The following PTPRN2 variants were observed in gnomAD, a reference collection of about 807,000 sequenced individuals.
PTPRN2 encodes the protein receptor-type tyrosine-protein phosphatase N2.
A neutral mutation model predicts 118.8 loss-of-function variants in PTPRN2; 74 were observed. The ratio of observed to expected loss-of-function variants is 0.62; its 90% CI spans 0.52 to 0.76. The LOEUF (loss-of-function observed/expected upper bound fraction) is 0.76. Ranked by LOEUF, PTPRN2 falls within the 30% of genes least tolerant of loss-of-function variation. The probability of loss-of-function intolerance (pLI) is 0.00; values close to 1 mark genes in which losing one functional copy is unlikely to be tolerated. For synonymous variants in PTPRN2, 641 were observed against 608.0 expected, an observed-to-expected ratio of 1.05 and a Z score of -0.80; for missense variants, 1,481 against 1,394.4, an observed-to-expected ratio of 1.06 and a Z score of -0.99.
intron 2 of PTPRN2, among the ~76,000 whole-genome samples, chr7:158,389,853 G>A (rs1345817703): frequency 6.6e-6 from 1 of 152,240 alleles, no homozygotes; most frequent in Non-Finnish European, 1.5e-5. Context: ...AAAGAGGTGA[G>A]AGCCTCAGCA....
chr7:157,881,348 A>T lies in PTPRN2; in HGVS notation c.1788+17325T>A, dbSNP rs201721885. Among the ~76,000 whole-genome samples, 1 of 141,288 alleles carries T rather than the reference A, an allele frequency of 7.1e-6. No individual in the cohort carries two copies. Among genetic ancestry groups the T allele is most frequent in the South Asian group, 2.3e-4 (1 of 4,438 alleles). 92.7% of individuals were successfully genotyped at this position (141,288 alleles called of 152,430 possible). ...TGTGACTGGCATCCTTGTAGGAAGG[A>T]GATGCAGACACAGGTGCACACAGAG... On this transcript the variant is annotated intron_variant, in intron 12 of 22. Coordinates refer to ENST00000389418, the MANE Select transcript of PTPRN2 (RefSeq NM_002847.5). The surrounding 1 kb of genome is among the most constrained non-coding windows in gnomAD (Gnocchi z 4.7).
At chr7:157,662,069 C>T (rs536928158) in intron 13 of PTPRN2, among the ~76,000 whole-genome samples, 32 of 152,326 alleles carry the variant, frequency 2.1e-4, no homozygotes, top group African/African-American at 6.5e-4. Context: ...CTCATTCACT[C>T]ATAGCACCTG....
intron 2 of PTPRN2, among the ~76,000 whole-genome samples, chr7:158,376,372 TCA>T (rs1339240298): frequency 6.9e-6 from 1 of 144,972 alleles, no homozygotes; most frequent in East Asian, 2.1e-4. Context: ...CACAGTCCTG[TCA>T]CACGTCCTGC....
chr7:158,046,452 T>A (rs1486860626), intron 11 of PTPRN2, among the ~76,000 whole-genome samples: 1 of 152,048 alleles, frequency 6.6e-6, no homozygotes, highest in East Asian at 1.9e-4. Flanking sequence ...GACGCTGCGA[T>A]CCTGGCATCC....
intron 11 of PTPRN2, among the ~76,000 whole-genome samples, chr7:157,900,939 A>G (rs1296695575): frequency 1.3e-5 from 2 of 152,236 alleles, no homozygotes; most frequent in East Asian, 3.9e-4. Flanking sequence ...AGGAACACCC[A>G]AAGCTGGGCA....
rs1282587961 is a variant in PTPRN2 at position 157,690,564 on chromosome 7, C to G, written c.1789-7627G>C. 6.6e-6 allele frequency among the ~76,000 whole-genome samples: 1 copy of G among 151,714 alleles called. No individual in the cohort carries two copies. Among genetic ancestry groups the G allele is most frequent in the Non-Finnish European group, 1.5e-5 (1 of 67,892 alleles). ...CACCCCTGGTTACCTGCAGCTGGGC[C>G]GGCGCCCAGCGCCCGCGCGGGAGGA... On this transcript the variant is annotated intron_variant, in intron 12 of 22. Transcript: ENST00000389418. This position sits in a 1 kb window ranked among gnomAD's most constrained non-coding sequence, Gnocchi z 7.1.
intron 3 of PTPRN2, among the ~76,000 whole-genome samples, chr7:158,278,714 G>C (rs148489639): frequency 6.6e-6 from 1 of 152,202 alleles, no homozygotes; most frequent in Non-Finnish European, 1.5e-5. Context: ...TGTTCCTTCA[G>C]GTGTGTCCAG....
At chr7:158,484,342 G>GGACTTATT (rs1357161906) in intron 2 of PTPRN2, among the ~76,000 whole-genome samples, 1 of 151,986 alleles carries the variant, frequency 6.6e-6, no homozygotes, top group Non-Finnish European at 1.5e-5. Flanking sequence ...TACCTCTCCT[G>GGACTTATT]GACTTATTTA....
At chr7:158,345,673 A>G (rs188834334) in intron 2 of PTPRN2, among the ~76,000 whole-genome samples, 111 of 152,326 alleles carry the variant, frequency 7.3e-4, no homozygotes, top group African/African-American at 2.3e-3. Flanking sequence ...GGTCACACAC[A>G]TTTTATAATT....
At chr7:158,137,469 C>A (rs1263136383) in intron 7 of PTPRN2, among the ~76,000 whole-genome samples, 3 of 152,048 alleles carry the variant, frequency 2.0e-5, no homozygotes, top group Non-Finnish European at 4.4e-5. Context: ...CTTTCAGTGC[C>A]CAAAGGTGCG....
At chr7:158,575,191 T>A (rs1828257494) in intron 1 of PTPRN2, among the ~76,000 whole-genome samples, 1 of 152,264 alleles carries the variant, frequency 6.6e-6, no homozygotes, top group Admixed American at 6.5e-5. Context: ...TCAAACATGT[T>A]ATCTTATGTG....
At chr7:157,722,770 C>A (rs1043317176) in intron 12 of PTPRN2, among the ~76,000 whole-genome samples, 10 of 151,884 alleles carry the variant, frequency 6.6e-5, no homozygotes, top group Admixed American at 5.2e-4. Context: ...GCAGCAGGGG[C>A]CCAGTCTGTC....
intron 1 of PTPRN2, among the ~76,000 whole-genome samples, chr7:158,520,449 C>T (rs967435470): frequency 3.9e-5 from 6 of 152,304 alleles, no homozygotes; most frequent in African/African-American, 7.2e-5. Context: ...TCATGCCCTT[C>T]GGTAGACAGT....
intron 3 of PTPRN2, among the ~76,000 whole-genome samples, chr7:158,275,110 G>A (rs118174386): frequency 0.043 from 6,478 of 152,210 alleles, 205 homozygotes; most frequent in Middle Eastern, 0.075. Context: ...CCCAGGGGCC[G>A]GCAGCAGTGC....
At chr7:157,713,976 C>T (rs1298259350) in intron 12 of PTPRN2, among the ~76,000 whole-genome samples, 3 of 152,218 alleles carry the variant, frequency 2.0e-5, no homozygotes, top group African/African-American at 7.2e-5. Flanking sequence ...GCATTATCTG[C>T]TCCAAGCTTT....
At chr7:158,293,711 C>CT (rs1032835059) in intron 3 of PTPRN2, among the ~76,000 whole-genome samples, 2 of 151,688 alleles carry the variant, frequency 1.3e-5, no homozygotes, top group African/African-American at 4.8e-5. Flanking sequence ...ATTCTATAAG[C>CT]TTTTTCCTAT....
intron 11 of PTPRN2, among the ~76,000 whole-genome samples, chr7:158,050,135 A>G (rs1226744954): frequency 1.3e-5 from 2 of 152,232 alleles, no homozygotes; most frequent in Non-Finnish European, 2.9e-5. Flanking sequence ...CATCAAAGTC[A>G]GAATGCTTTT....
chr7:157,620,059 G>T (rs1803057118), intron 15 of PTPRN2, among the ~76,000 whole-genome samples: 1 of 152,176 alleles, frequency 6.6e-6, no homozygotes, highest in African/African-American at 2.4e-5. Flanking sequence ...CAAGGGCCTT[G>T]TCTTAGGGTC....
intron 14 of PTPRN2, among the ~76,000 whole-genome samples, chr7:157,630,458 C>T (rs923767062): frequency 1.1e-4 from 16 of 152,186 alleles, no homozygotes; most frequent in African/African-American, 3.4e-4. Flanking sequence ...CAACGTGAGG[C>T]GGCAGGGAGT....
Sources: allele counts gnomAD v4.1 joint callset (sites outside exome capture counted in the v4.1 genomes callset), GRCh38; gene constraint gnomAD v4.1.1; non-coding constraint Gnocchi (gnomAD v3.1); transcripts MANE v1.5; gene names NCBI Gene and HGNC (gene_info 2026-07-23, HGNC 2026-07-21).